Variants in ELOVL2 observed in about 807,000 individuals in gnomAD.
ELOVL2 encodes ELOVL fatty acid elongase 2.
In ELOVL2, 38 loss-of-function variants were observed where a neutral mutation model predicts 37.7. The ratio of observed to expected loss-of-function variants is 1.01; its 90% CI spans 0.78 to 1.32. The LOEUF (loss-of-function observed/expected upper bound fraction) is 1.32. ELOVL2 is among the 40% of genes most tolerant of loss of function. The pLI, the probability that ELOVL2 is intolerant of heterozygous loss-of-function variation, is 0.00. For synonymous variants in ELOVL2, 115 were observed against 122.3 expected, an observed-to-expected ratio of 0.94 and a Z score of 0.40; for missense variants, 352 against 363.6, an observed-to-expected ratio of 0.97 and a Z score of 0.26.
At chr6:11,026,007 G>T (rs1011808970) in intron 1 of ELOVL2, among the ~76,000 whole-genome samples, 2 of 152,206 alleles carry the variant, frequency 1.3e-5, no homozygotes, top group African/African-American at 4.8e-5. Context: ...TCTGGGTAGC[G>T]AAGTGGGGTG....
chr6:11,025,495 C>T (rs904637877), intron 1 of ELOVL2, among the ~76,000 whole-genome samples: 1 of 152,144 alleles, frequency 6.6e-6, no homozygotes, highest in African/African-American at 2.4e-5. Flanking sequence ...GCATTTCACT[C>T]ATTCAACAAT....
intron 1 of ELOVL2, among the ~76,000 whole-genome samples, chr6:11,034,048 A>G (rs1186790910): frequency 6.6e-6 from 1 of 152,240 alleles, no homozygotes; most frequent in Non-Finnish European, 1.5e-5. Flanking sequence ...ATTAGTAAGA[A>G]GTGGAGTAGG....
At chr6:11,015,804 C>T (rs1230859568) in intron 1 of ELOVL2, 1 of 152,154 alleles carries the variant, frequency 6.6e-6, no homozygotes. Context: ...CTGGGACTTC[C>T]ACCCATCCCT....
intron 1 of ELOVL2, among the ~76,000 whole-genome samples, chr6:11,025,153 A>G (rs1782821185): frequency 6.6e-6 from 1 of 152,166 alleles, no homozygotes; most frequent in Non-Finnish European, 1.5e-5. Context: ...GAGAAAAATC[A>G]TATTTCCTCA....
chr6:10,983,636 A>T lies in ELOVL2; in HGVS notation c.*145T>A. The T allele has an allele frequency of 1.1e-6, 1 of 882,946 alleles. No individual in the cohort carries two copies. 54.7% of individuals were successfully genotyped at this position (882,946 alleles called of 1,614,324 possible). A position where few individuals can be genotyped will look rare whatever the true frequency, so the allele number is the denominator to read the frequency against. ...CAGTTAACAGATTAACCTAATAGCA[A>T]TATATTAATACATTCTGGGTACAAA... is the stretch of plus-strand genomic sequence containing the variant. On this transcript the variant is annotated 3_prime_UTR_variant, in exon 8 of 8. Transcript: ENST00000354666.
chr6:11,016,738 G>A (rs1409936547), intron 1 of ELOVL2, among the ~76,000 whole-genome samples: 1 of 152,196 alleles, frequency 6.6e-6, no homozygotes, highest in Non-Finnish European at 1.5e-5. Context: ...TAACTCCTGG[G>A]GGGATTATTC....
rs1782117042 is a variant in ELOVL2, at chr6:10,989,805, CATG to C, written c.660_662del (p.Met221del). On this transcript the variant is annotated inframe_deletion, in exon 7 of 8. Transcript: ENST00000354666. ...AGCCACACGGTTTCACGACGGCGCT[CATG>C]GTGTGCGTGATGGTGAGCACGAACT... The C allele has an allele frequency of 6.2e-7, 1 of 1,614,170 alleles. No homozygotes were observed. The highest frequency in any genetic ancestry group is 8.5e-7 in the Non-Finnish European group (1 of 1,180,024).
In ELOVL2 at chr6:10,983,744, G is replaced by C. The variant is rs1472206569; in HGVS notation, c.*37C>G. The C allele has an allele frequency of 5.1e-6, 8 of 1,560,560 alleles. No individual in the cohort carries two copies. Reference sequence around the variant, plus strand: ...TCTTTGCTTTAAAACAAGCCAATCTGTTAGGCTAGTATATGTGCTTTTTCT... The same window carrying C: ...TCTTTGCTTTAAAACAAGCCAATCTCTTAGGCTAGTATATGTGCTTTTTCT... On this transcript the variant is annotated 3_prime_UTR_variant, in exon 8 of 8. Coordinates refer to ENST00000354666, the MANE Select transcript of ELOVL2 (RefSeq NM_017770.4).
intron 1 of ELOVL2, among the ~76,000 whole-genome samples, chr6:11,016,944 ACT>A (rs60472192): frequency 0.084 from 12,723 of 152,056 alleles, 1,693 homozygotes; most frequent in African/African-American, 0.28. Context: ...GGGCCTATCC[ACT>A]CTCATCCCTA....
At chr6:11,002,911 A>G (rs17764592) in intron 3 of ELOVL2, among the ~76,000 whole-genome samples, 5 of 152,102 alleles carry the variant, frequency 3.3e-5, no homozygotes, top group African/African-American at 1.2e-4. Flanking sequence ...ATCAATCCTT[A>G]CAAGTCACTC....
intron 1 of ELOVL2, among the ~76,000 whole-genome samples, chr6:11,036,993 G>GGAGGCAGAGAGGGAGAGA (rs1344350860): frequency 6.6e-6 from 1 of 150,906 alleles, no homozygotes; most frequent in Non-Finnish European, 1.5e-5. Context: ...GAGAGACAGA[G>GGAGGCAGAGAGGGAGAGA]GAGGCAGAGA....
chr6:11,032,843 C>T lies in ELOVL2; in HGVS notation c.3+11385G>A, dbSNP rs189526221. Among the ~76,000 whole-genome samples, 4 of 152,222 alleles carry T rather than the reference C, an allele frequency of 2.6e-5. No homozygotes were observed. The East Asian group carries it at 5.8e-4, about 22-fold the overall frequency. ...AACTAATAACATGCAATTGAGACGA[C>T]GCCCTGAAAGTGTTCTATAAATGGA... On this transcript the variant is annotated intron_variant, in intron 1 of 7. Transcript: ENST00000354666.
At chr6:11,042,305 C>G (rs1340347316) in intron 1 of ELOVL2, among the ~76,000 whole-genome samples, 4 of 151,414 alleles carry the variant, frequency 2.6e-5, no homozygotes, top group Non-Finnish European at 5.9e-5. Context: ...AGAGTGAGAC[C>G]CTGCCACAAA....
chr6:10,995,088 T>C lies in ELOVL2; in HGVS notation c.424A>G (p.Ile142Val), dbSNP rs768479188. ...TGATGATATACATGAAGAAAAGTAA[T>C]CTGACTCGTTTTTTTCCGCAAAACG... is the stretch of plus-strand genomic sequence containing the variant. Reference protein sequence around the residue: ...FFVLRKKTSQITFLHVYHHAS... With the variant: ...FFVLRKKTSQVTFLHVYHHAS... Residue 142 changes from isoleucine (I) to valine (V), a missense_variant, in exon 5 of 8, where the codon ATT (isoleucine) becomes GTT (valine). By Grantham distance (29) the Ile-to-Val change is conservative (BLOSUM62 3). Transcript: ENST00000354666. 44 of 1,613,240 alleles carry C rather than the reference T, an allele frequency of 2.7e-5. No homozygotes were observed. The Admixed American group carries it at 2.8e-4, about 10-fold the overall frequency.
chr6:11,016,787 T>C (rs1782691432), intron 1 of ELOVL2, among the ~76,000 whole-genome samples: 1 of 151,786 alleles, frequency 6.6e-6, no homozygotes, highest in Non-Finnish European at 1.5e-5. Flanking sequence ...ACTAAATGTG[T>C]TCACCTTTGT....
chr6:10,987,556 T>C (rs1782073673), intron 7 of ELOVL2, among the ~76,000 whole-genome samples: 1 of 152,222 alleles, frequency 6.6e-6, no homozygotes, highest in Admixed American at 6.5e-5. Flanking sequence ...GTATCTTTGT[T>C]CTTATTGGTT....
chr6:10,989,989 G>A, intron 6 of ELOVL2, 152 bp from the exon 7 acceptor site: 1 of 899,358 alleles, frequency 1.1e-6, no homozygotes, highest in Admixed American at 3.4e-5. Context: ...CCCTCATCCA[G>A]AAATCTTATT....
intron 1 of ELOVL2, among the ~76,000 whole-genome samples, chr6:11,036,593 G>A (rs73723634): frequency 6.6e-6 from 1 of 152,096 alleles, no homozygotes; most frequent in African/African-American, 2.4e-5. Flanking sequence ...CCCAAAGCAC[G>A]CTCTTCAGCA....
chr6:11,008,521 G>C (rs1054110729), intron 2 of ELOVL2, among the ~76,000 whole-genome samples: 3 of 151,928 alleles, frequency 2.0e-5, no homozygotes, highest in African/African-American at 7.3e-5. Flanking sequence ...AACTAAGAGA[G>C]GGGGCTCCGG....
Sources: allele counts gnomAD v4.1 joint callset (sites outside exome capture counted in the v4.1 genomes callset), GRCh38; gene constraint gnomAD v4.1.1; transcripts MANE v1.5; gene names NCBI Gene and HGNC (gene_info 2026-07-23, HGNC 2026-07-21).